UNC13A: variants seen among roughly 807,000 people sequenced by gnomAD.
UNC13A encodes the protein unc-13 homolog A, also known as protein unc-13 homolog A.
In UNC13A, 61 loss-of-function variants were observed where a neutral mutation model predicts 219.7. That is an observed-to-expected ratio of 0.28 (90% CI 0.23 to 0.34). UNC13A has a LOEUF of 0.34. UNC13A is among the 10% of genes least tolerant of loss of function. The pLI is 1.00. For missense variants in UNC13A, 1,476 were observed against 2,270.3 expected (o/e 0.65, Z 7.11); for synonymous variants, 920 against 884.6 (o/e 1.04, Z -0.71).
At position 17,627,025 on chromosome 19, in the gene UNC13A, C is replaced by G. The variant is rs1314309271; in HGVS notation, c.3921-240G>C. Among the ~76,000 whole-genome samples, 1 of 152,142 alleles carries G rather than the reference C, an allele frequency of 6.6e-6. No individual in the cohort carries two copies. Among genetic ancestry groups the G allele is most frequent in the African/African-American group, 2.4e-5 (1 of 41,438 alleles). ...TGGCCAACATGGTGAAACCCTGTCT[C>G]TACTAAAAATACAAAAATTAGCTGG... On this transcript the variant is annotated intron_variant, in intron 33 of 43. Transcript: ENST00000519716. This position sits in a 1 kb window ranked among gnomAD's most constrained non-coding sequence, Gnocchi z 4.7.
intron 17 of UNC13A, among the ~76,000 whole-genome samples, chr19:17,646,622 C>G (rs1050721943): frequency 6.6e-6 from 1 of 152,104 alleles, no homozygotes; most frequent in Non-Finnish European, 1.5e-5. Flanking sequence ...TCCCTGAGGT[C>G]AGACACTTAC....
At chr19:17,675,982 C>CA in intron 2 of UNC13A, 30 bp downstream of exon 2, 1 of 1,550,610 alleles carries the variant, frequency 6.4e-7, no homozygotes, top group Non-Finnish European at 8.7e-7. Context: ...ACAGACAACA[C>CA]GGGACAGGAC....
At chr19:17,619,802 C>CA (rs1599337037) in intron 38 of UNC13A, among the ~76,000 whole-genome samples, 1 of 152,178 alleles carries the variant, frequency 6.6e-6, no homozygotes, top group South Asian at 2.1e-4. Flanking sequence ...ACCCCACCCC[C>CA]AAACAGACAC....
rs944812217 is a variant in UNC13A at position 17,606,204 on chromosome 19, C to T, written c.4962G>A (p.Pro1654=). 2 of 1,549,610 alleles carry T rather than the reference C, an allele frequency of 1.3e-6. No homozygotes were observed. Among genetic ancestry groups the T allele is most frequent in the Admixed American group, 2.0e-5 (1 of 50,874 alleles). Residue 1654 remains proline, a synonymous_variant, in exon 44 of 44, where the codon CCG becomes CCA. Transcript: ENST00000519716. ...CGTCCATGTGGATGCGGCGGCCGAGCGGCAGCCAGCAGGCGGCGCTCCCGC... is the reference window on the plus strand; with the variant it reads ...CGTCCATGTGGATGCGGCGGCCGAGTGGCAGCCAGCAGGCGGCGCTCCCGC... The part of the protein sequence containing the change: ...AQRGSAACWL[P]LGRRIHMDDT...
In UNC13A at chr19:17,627,689, G is replaced by T. The variant is rs2076798078; in HGVS notation, c.3832-92C>A. 8.6e-6 allele frequency: 11 copies of T among 1,277,634 alleles called. No homozygotes were observed. Among genetic ancestry groups the T allele is most frequent in the Non-Finnish European group, 1.2e-5 (11 of 904,052 alleles). 79.1% of individuals were successfully genotyped at this position (1,277,634 alleles called of 1,614,324 possible). Reference sequence around the variant, plus strand: ...TCTGACCCAGGGAAAGGGATCCCAAGGGGCTGCAGGGGAAACTGAGGCACA... The same window carrying T: ...TCTGACCCAGGGAAAGGGATCCCAATGGGCTGCAGGGGAAACTGAGGCACA... On this transcript the variant is annotated intron_variant, in intron 32 of 43. Transcript: ENST00000519716. The surrounding 1 kb of genome is among the most constrained non-coding windows in gnomAD (Gnocchi z 4.7).
chr19:17,660,289 T>A (rs2145876869), intron 8 of UNC13A, among the ~76,000 whole-genome samples: 1 of 152,170 alleles, frequency 6.6e-6, no homozygotes, highest in South Asian at 2.1e-4. Flanking sequence ...CCAGTTTTTT[T>A]TTTTCCTGAC....
chr19:17,630,793 TC>T (rs1240953174), intron 28 of UNC13A, 43 bp from the exon 29 acceptor site: 1 of 1,580,100 alleles, frequency 6.3e-7, no homozygotes, highest in African/African-American at 1.4e-5. Flanking sequence ...CCTCTTGTCC[TC>T]CTCAACCTCT....
chr19:17,606,371 G>T lies in UNC13A; in HGVS notation c.4812-17C>A. 6.5e-7 allele frequency: 1 copy of T among 1,539,194 alleles called. No homozygotes were observed. ...CTCAGCGTGCTGCGTGGGGAGGGGCGGAACGTGAGACAGGCCACACCTACT... is the reference window on the plus strand; with the variant it reads ...CTCAGCGTGCTGCGTGGGGAGGGGCTGAACGTGAGACAGGCCACACCTACT... On this transcript the variant is annotated splice_polypyrimidine_tract_variant and intron_variant, in intron 43 of 43. Coordinates refer to ENST00000519716, the MANE Select transcript of UNC13A (RefSeq NM_001080421.3).
At position 17,656,355 on chromosome 19, in the gene UNC13A, G is replaced by C; in HGVS notation, c.811C>G (p.Gln271Glu). 6.4e-7 allele frequency: 1 copy of C among 1,556,576 alleles called. No individual in the cohort carries two copies. Among genetic ancestry groups the C allele is most frequent in the Non-Finnish European group, 8.7e-7 (1 of 1,151,498 alleles). Residue 271 changes from glutamine (Q) to glutamate (E), a missense_variant, in exon 10 of 44, where the codon CAG becomes GAG. Gln to Glu is a conservative substitution (Grantham distance 29). Coordinates refer to ENST00000519716, the MANE Select transcript of UNC13A (RefSeq NM_001080421.3). Reference protein sequence around the residue: ...SRYASSGELSQGSSQLSEDFD... With the variant: ...SRYASSGELSEGSSQLSEDFD... ...TCCTCGCTCAGCTGAGAGCTTCCCT[G>C]GCTCAGCTCCCCGGAAGAGGCATAG...
intron 8 of UNC13A, among the ~76,000 whole-genome samples, chr19:17,660,541 T>TC (rs2079533991): frequency 6.6e-6 from 1 of 150,718 alleles, no homozygotes; most frequent in Admixed American, 6.6e-5. Flanking sequence ...TTGGGTTTTT[T>TC]TTTTTTTTGA....
In UNC13A at chr19:17,624,293, A is replaced by G. The variant is rs2076759791; in HGVS notation, c.4197+536T>C. On this transcript the variant is annotated intron_variant, in intron 35 of 43. Transcript: ENST00000519716. ...AGGATCACACCCAGCTAATTTTTGT[A>G]TTTTTAGTAGAGACGAGATTTCACC... Among the ~76,000 whole-genome samples, 3 of 151,506 alleles carry G rather than the reference A, an allele frequency of 2.0e-5. No individual in the cohort carries two copies. The South Asian group carries it at 6.3e-4, about 32-fold the overall frequency.
At position 17,630,766 on chromosome 19, in the gene UNC13A, G is replaced by A. The variant is rs367729236; in HGVS notation, c.3429-16C>T. On this transcript the variant is annotated splice_polypyrimidine_tract_variant and intron_variant, in intron 28 of 43. Transcript: ENST00000519716. The stretch of plus-strand genomic sequence containing the variant: ...TTCAAACCATCTGGAATGAAGAGCC[G>A]GGGTGGGGCTCTGCCACCTCTTGTC... 15 of 1,608,130 alleles carry A rather than the reference G, an allele frequency of 9.3e-6. No individual in the cohort carries two copies. The highest frequency in any genetic ancestry group is 4.0e-5 in the African/African-American group (3 of 74,740).
intron 7 of UNC13A, among the ~76,000 whole-genome samples, chr19:17,666,199 T>TCTTTCTTTC (rs760106069): frequency 1.4e-5 from 2 of 144,060 alleles, no homozygotes; most frequent in Non-Finnish European, 3.0e-5. Context: ...CTTTCTCTCT[T>TCTTTCTTTC]TCTTTCTCTT....
intron 37 of UNC13A, among the ~76,000 whole-genome samples, chr19:17,621,191 A>G (rs1291101304): frequency 6.6e-6 from 1 of 152,166 alleles, no homozygotes. Context: ...AGGCACGTAC[A>G]CAATTATATC....
intron 4 of UNC13A, among the ~76,000 whole-genome samples, chr19:17,670,612 A>C (rs1477418185): frequency 6.6e-6 from 1 of 152,036 alleles, no homozygotes; most frequent in East Asian, 1.9e-4. Context: ...TTCAAAAACA[A>C]ACACTCACTG....
At chr19:17,678,599 C>A (rs1028528129) in intron 1 of UNC13A, among the ~76,000 whole-genome samples, 1 of 151,636 alleles carries the variant, frequency 6.6e-6, no homozygotes, top group Non-Finnish European at 1.5e-5. Context: ...CTGGTTTGTT[C>A]GCTCACATCC....
rs369333784 is a variant in UNC13A, at chr19:17,630,174, C to T, written c.3640G>A (p.Val1214Met). The T allele has an allele frequency of 7.7e-5, 120 of 1,551,982 alleles. No homozygotes were observed. The highest frequency in any genetic ancestry group is 1.2e-4 in the African/African-American group (9 of 73,020). ...KKLECPDPQI[V>M]GHYMRRFAKT... ...GCAAAGCGCCTCATGTAGTGCCCCA[C>T]GATCTGAGGGTCGGGACACTCGAGT... The change falls in exon 30 of 44, where the codon GTG becomes ATG. Residue 1214 changes from valine (V) to methionine (M), a missense_variant. Physicochemically the swap from Val to Met is conservative, Grantham distance 21. This residue lies in a region of UNC13A where 218 missense variants were observed against 409.4 expected (regional missense o/e 0.53). Transcript: ENST00000519716.
Position 17,606,313 on chromosome 19 carries a change from T to G in UNC13A, c.4853A>C (p.Gln1618Pro), listed in dbSNP as rs1237777083. 1 of 1,549,426 alleles carries G rather than the reference T, an allele frequency of 6.5e-7. No homozygotes were observed. Among genetic ancestry groups the G allele is most frequent in the Non-Finnish European group, 8.7e-7 (1 of 1,147,750 alleles). Residue 1618 changes from glutamine to proline, a missense_variant, in exon 44 of 44, where the codon CAG becomes CCG. Around this residue, in one of 14 missense-constraint regions of UNC13A, gnomAD observed 187 missense variants for 172.3 expected, o/e 1.09. Coordinates refer to ENST00000519716, the MANE Select transcript of UNC13A (RefSeq NM_001080421.3). ...ADAGPECYEL[Q>P]VCVKDYCFAR... is the part of the protein sequence containing the mutation. ...GAAGCAGTAGTCCTTGACGCACACC[T>G]GCAGCTCATAGCACTCGGGACCCGC...
chr19:17,665,606 TCTC>T (rs1209940889), intron 7 of UNC13A, among the ~76,000 whole-genome samples: 1 of 152,110 alleles, frequency 6.6e-6, no homozygotes, highest in Non-Finnish European at 1.5e-5. Context: ...GTAAATCACA[TCTC>T]CTCTTGGGCC....
Sources: allele counts gnomAD v4.1 joint callset (sites outside exome capture counted in the v4.1 genomes callset), GRCh38; gene constraint gnomAD v4.1.1; regional missense constraint gnomAD v4.1.1; non-coding constraint Gnocchi (gnomAD v3.1); transcripts MANE v1.5; gene names NCBI Gene and HGNC (gene_info 2026-07-23, HGNC 2026-07-21).